Variants in SGK1 observed in about 807,000 individuals in gnomAD.
The protein encoded by SGK1 is serine/threonine-protein kinase Sgk1.
Under a neutral mutation model 64.2 loss-of-function variants are expected in SGK1, and 26 were observed. The ratio of observed to expected loss-of-function variants is 0.40; its 90% CI spans 0.30 to 0.56. The LOEUF (loss-of-function observed/expected upper bound fraction) is 0.56. SGK1 is among the 20% of genes least tolerant of loss of function. The probability of loss-of-function intolerance (pLI) is 0.38; values close to 1 mark genes in which losing one functional copy is unlikely to be tolerated. For synonymous variants in SGK1, 265 were observed against 239.7 expected, an observed-to-expected ratio of 1.11 and a Z score of -0.98; for missense variants, 519 against 645.6, an observed-to-expected ratio of 0.80 and a Z score of 2.12.
intron 1 of SGK1, among the ~76,000 whole-genome samples, chr6:134,285,250 G>A (rs752973062): frequency 1.3e-5 from 2 of 152,140 alleles, no homozygotes; most frequent in African/African-American, 4.8e-5. Flanking sequence ...CCTGAGGTCG[G>A]CAGATTGCCT....
chr6:134,184,184 G>C (rs1467002658), intron 3 of SGK1, among the ~76,000 whole-genome samples: 2 of 151,886 alleles, frequency 1.3e-5, no homozygotes, highest in Non-Finnish European at 2.9e-5. Flanking sequence ...GCTCCTTCTT[G>C]TCATTCGGAT....
chr6:134,177,050 C>T (rs1775251862), intron 3 of SGK1, among the ~76,000 whole-genome samples: 1 of 152,152 alleles, frequency 6.6e-6, no homozygotes, highest in South Asian at 2.1e-4. Flanking sequence ...CCCGTCTCTA[C>T]TGAAAATAGA....
intron 1 of SGK1, among the ~76,000 whole-genome samples, chr6:134,279,300 T>G (rs1055327345): frequency 6.6e-6 from 1 of 152,000 alleles, no homozygotes; most frequent in Non-Finnish European, 1.5e-5. Flanking sequence ...GACGTGGTGG[T>G]GCGTGCCTGT....
intron 2 of SGK1, among the ~76,000 whole-genome samples, chr6:134,227,213 C>A (rs1327534719): frequency 2.0e-5 from 3 of 152,000 alleles, no homozygotes; most frequent in African/African-American, 2.4e-5. Context: ...CAACTCACTG[C>A]AACCTCCGCC....
intron 1 of SGK1, among the ~76,000 whole-genome samples, chr6:134,269,628 A>C (rs532906480): frequency 6.9e-6 from 1 of 145,458 alleles, no homozygotes; most frequent in South Asian, 2.3e-4. Flanking sequence ...ACTGCACTCC[A>C]GCCTGGATGA....
intron 3 of SGK1, among the ~76,000 whole-genome samples, chr6:134,177,146 G>C (rs184786512): frequency 0.02 from 3,027 of 152,208 alleles, 113 homozygotes; most frequent in African/African-American, 0.069. Context: ...CCCGGGAGGC[G>C]GAGGTTGCAG....
chr6:134,293,140 A>G (rs1250530428), intron 1 of SGK1, among the ~76,000 whole-genome samples: 1 of 152,234 alleles, frequency 6.6e-6, no homozygotes, highest in Non-Finnish European at 1.5e-5. Context: ...TAGGATCTAG[A>G]TAATGTAAAA....
intron 1 of SGK1, chr6:134,297,200 A>G (rs1777368681): frequency 3.6e-6 from 3 of 825,226 alleles, no homozygotes; most frequent in Non-Finnish European, 6.1e-6. Flanking sequence ...GGATACTCAC[A>G]TTCTGTATCC....
At chr6:134,242,655 G>T (rs1048631618) in intron 2 of SGK1, among the ~76,000 whole-genome samples, 1 of 150,792 alleles carries the variant, frequency 6.6e-6, no homozygotes, top group Non-Finnish European at 1.5e-5. Context: ...TTTAGAAATG[G>T]GGTCTTGCTA....
intron 1 of SGK1, among the ~76,000 whole-genome samples, chr6:134,284,973 T>C (rs1463350254): frequency 1.3e-5 from 2 of 152,246 alleles, no homozygotes; most frequent in Non-Finnish European, 2.9e-5. Context: ...ATCTTTACAA[T>C]TGCGAATTGT....
At chr6:134,246,663 G>T (rs1776529618) in intron 2 of SGK1, among the ~76,000 whole-genome samples, 1 of 151,938 alleles carries the variant, frequency 6.6e-6, no homozygotes, top group South Asian at 2.1e-4. Flanking sequence ...TGTGATCTCG[G>T]CTCACTGCAA....
chr6:134,171,574 G>T, intron 11 of SGK1, 63 bp downstream of exon 11: 1 of 1,164,620 alleles, frequency 8.6e-7, no homozygotes, highest in Non-Finnish European at 1.3e-6. Context: ...CCAAGCATGG[G>T]CTGTGTGAAG....
chr6:134,300,601 T>A (rs1582773309), intron 1 of SGK1, among the ~76,000 whole-genome samples: 3 of 143,732 alleles, frequency 2.1e-5, no homozygotes, highest in African/African-American at 2.5e-5. Flanking sequence ...GCCCTGGAGA[T>A]AAAGAGAAAG....
chr6:134,275,428 T>C (rs1479887749), intron 1 of SGK1, among the ~76,000 whole-genome samples: 1 of 152,238 alleles, frequency 6.6e-6, no homozygotes, highest in Non-Finnish European at 1.5e-5. Context: ...AGCTTTAAAC[T>C]CCTCAGTTTG....
intron 2 of SGK1, among the ~76,000 whole-genome samples, chr6:134,234,500 A>C (rs1776334587): frequency 6.6e-6 from 1 of 152,384 alleles, no homozygotes; most frequent in East Asian, 1.9e-4. Flanking sequence ...AGTAAGTGTA[A>C]TGAGAGTATG....
At chr6:134,175,511 CA>C in intron 3 of SGK1, 1 of 1,454,670 alleles carries the variant, frequency 6.9e-7, no homozygotes, top group Non-Finnish European at 9.1e-7. Context: ...GGAAGTGAGC[CA>C]AGCCCCCAGC....
At chr6:134,187,937 A>C (rs1775449167) in intron 3 of SGK1, among the ~76,000 whole-genome samples, 1 of 152,232 alleles carries the variant, frequency 6.6e-6, no homozygotes, top group Admixed American at 6.5e-5. Context: ...GCCATATCAG[A>C]GGCTCAGTGT....
At chr6:134,283,709 G>A (rs912591142) in intron 1 of SGK1, among the ~76,000 whole-genome samples, 1 of 151,094 alleles carries the variant, frequency 6.6e-6, no homozygotes, top group African/African-American at 2.4e-5. Context: ...AGCCAGGCAT[G>A]GTGGCAAACA....
Position 134,173,067 on chromosome 6 carries a change from C to T in SGK1, c.790G>A (p.Ala264Thr). 6.2e-7 allele frequency: 1 copy of T among 1,614,074 alleles called. No homozygotes were observed. The highest frequency in any genetic ancestry group is 8.5e-7 in the Non-Finnish European group (1 of 1,179,926). Residue 264 changes from alanine to threonine, a missense_variant, in exon 8 of 14, where the codon GCT becomes ACT. Around this residue, in one of 2 missense-constraint regions of SGK1, gnomAD observed 278 missense variants for 408.7 expected, o/e 0.68. Transcript: ENST00000367858. Reference protein sequence around the residue: ...LVGLHFSFQTADKLYFVLDYI... With the variant: ...LVGLHFSFQTTDKLYFVLDYI... ...TCTAGGACAAAGTACAATTTGTCAG[C>T]AGTCTGGAAAGAGAAGTGAAGGCCC...
Sources: allele counts gnomAD v4.1 joint callset (sites outside exome capture counted in the v4.1 genomes callset), GRCh38; gene constraint gnomAD v4.1.1; regional missense constraint gnomAD v4.1.1; transcripts MANE v1.5; gene names NCBI Gene and HGNC (gene_info 2026-07-23, HGNC 2026-07-21).